HEMK2: variants seen among roughly 807,000 people sequenced by gnomAD.
HEMK2 encodes the protein HemK methyltransferase 2, ETF1 glutamine and histone H4 lysine.
chr21:28,654,823 A>G, the HEMK2 span, among the ~76,000 whole-genome samples: 2 of 152,220 alleles, frequency 1.3e-5, no homozygotes, highest in South Asian at 4.1e-4. Flanking sequence ...TAGATACCTA[A>G]AAACAGAGGT....
chr21:28,614,197 G>T, the HEMK2 span, among the ~76,000 whole-genome samples: 2 of 152,124 alleles, frequency 1.3e-5, no homozygotes, highest in African/African-American at 4.8e-5. Flanking sequence ...GAGAAAAGAT[G>T]AATTACATAT....
the HEMK2 span, among the ~76,000 whole-genome samples, chr21:28,861,290 C>G: frequency 3.3e-5 from 5 of 152,336 alleles, no homozygotes; most frequent in South Asian, 1.0e-3. Flanking sequence ...CTGTAATAAA[C>G]AGCAGAGGCA....
At chr21:28,783,973 G>A in the HEMK2 span, among the ~76,000 whole-genome samples, 6 of 152,180 alleles carry the variant, frequency 3.9e-5, no homozygotes, top group South Asian at 2.1e-4. Context: ...AATTCTCACC[G>A]GGCCTCAGCT....
chr21:28,648,554 A>G, the HEMK2 span, among the ~76,000 whole-genome samples: 1 of 152,186 alleles, frequency 6.6e-6, no homozygotes, highest in Non-Finnish European at 1.5e-5. Context: ...TTAAATGAAT[A>G]ATTAAATTAA....
the HEMK2 span, among the ~76,000 whole-genome samples, chr21:28,588,319 A>AG: frequency 6.6e-6 from 1 of 152,184 alleles, no homozygotes; most frequent in African/African-American, 2.4e-5. Context: ...CTCACACTAC[A>AG]GGCTCTGCCC....
the HEMK2 span, among the ~76,000 whole-genome samples, chr21:28,785,048 G>A: frequency 1.3e-5 from 2 of 152,122 alleles, no homozygotes; most frequent in Admixed American, 1.3e-4. Flanking sequence ...AACTCCAGAT[G>A]CGCTGCCTTA....
At chr21:28,657,887 T>C in the HEMK2 span, among the ~76,000 whole-genome samples, 4 of 151,976 alleles carry the variant, frequency 2.6e-5, no homozygotes, top group Non-Finnish European at 5.9e-5. Context: ...CTATTAACTG[T>C]ATAACATGGA....
the HEMK2 span, among the ~76,000 whole-genome samples, chr21:28,798,076 G>A: frequency 6.6e-6 from 1 of 152,222 alleles, no homozygotes; most frequent in East Asian, 1.9e-4. Flanking sequence ...TGAGGATCCA[G>A]GCAAGTGACC....
At chr21:28,671,707 A>G in the HEMK2 span, among the ~76,000 whole-genome samples, 1 of 152,154 alleles carries the variant, frequency 6.6e-6, no homozygotes, top group Admixed American at 6.6e-5. Flanking sequence ...AATGCCAGGG[A>G]TATCATCATT....
At chr21:28,684,282 T>A in the HEMK2 span, among the ~76,000 whole-genome samples, 1 of 152,360 alleles carries the variant, frequency 6.6e-6, no homozygotes, top group Admixed American at 6.5e-5. Flanking sequence ...TGGAATGTTG[T>A]CAGCTAGGAA....
chr21:28,676,962 C>G, the HEMK2 span, among the ~76,000 whole-genome samples: 2 of 152,184 alleles, frequency 1.3e-5, no homozygotes, highest in Non-Finnish European at 1.5e-5. Context: ...CTACAGCTCC[C>G]AGCGTGAGCG....
chr21:28,677,061 G>A, the HEMK2 span, among the ~76,000 whole-genome samples: 1 of 152,248 alleles, frequency 6.6e-6, no homozygotes, highest in East Asian at 1.9e-4. Context: ...CAGGACAGTG[G>A]GTGCAGCACA....
chr21:28,683,812 C>T, the HEMK2 span, among the ~76,000 whole-genome samples: 2 of 152,048 alleles, frequency 1.3e-5, no homozygotes, highest in East Asian at 3.8e-4. Context: ...CATGAAAAAA[C>T]ACATTGCAAA....
the HEMK2 span, among the ~76,000 whole-genome samples, chr21:28,866,146 C>A: frequency 2.4e-4 from 4 of 16,818 alleles, no homozygotes; most frequent in Non-Finnish European, 3.7e-4. Context: ...CCTGTCTCTA[C>A]AGAAAAAACA....
chr21:28,802,341 T>C, the HEMK2 span, among the ~76,000 whole-genome samples: 25 of 152,352 alleles, frequency 1.6e-4, no homozygotes, highest in Middle Eastern at 3.4e-3. Flanking sequence ...TATATTCATA[T>C]TTCTTCTCTA....
At chr21:28,611,032 C>A in the HEMK2 span, among the ~76,000 whole-genome samples, 2 of 152,110 alleles carry the variant, frequency 1.3e-5, no homozygotes, top group Admixed American at 6.6e-5. Context: ...TTAAACTATA[C>A]CCTACAACAA....
the HEMK2 span, among the ~76,000 whole-genome samples, chr21:28,640,142 G>C: frequency 6.6e-6 from 1 of 152,198 alleles, no homozygotes; most frequent in Non-Finnish European, 1.5e-5. Context: ...ATAGAAGAAT[G>C]CAAACCAGGG....
At chr21:28,728,666 T>G in the HEMK2 span, among the ~76,000 whole-genome samples, 2 of 152,198 alleles carry the variant, frequency 1.3e-5, no homozygotes, top group Non-Finnish European at 2.9e-5. Context: ...AGCCTAATGA[T>G]TTTTGAAAAA....
At chr21:28,779,380 T>C in the HEMK2 span, among the ~76,000 whole-genome samples, 2 of 152,178 alleles carry the variant, frequency 1.3e-5, no homozygotes, top group Admixed American at 6.5e-5. Context: ...AGAGTAATAC[T>C]GTATGATCTC....
Sources: allele counts gnomAD v4.1 joint callset (sites outside exome capture counted in the v4.1 genomes callset), GRCh38; gene constraint gnomAD v4.1.1; transcripts MANE v1.5; gene names NCBI Gene and HGNC (gene_info 2026-07-23, HGNC 2026-07-21).